Variants in SCOC observed in about 807,000 individuals in gnomAD.
The protein encoded by SCOC is short coiled-coil protein.
Under a neutral mutation model 9.9 loss-of-function variants are expected in SCOC, and 7 were observed. The ratio of observed to expected loss-of-function variants is 0.71; its 90% CI spans 0.40 to 1.33. The LOEUF (loss-of-function observed/expected upper bound fraction) is 1.33. SCOC is among the 40% of genes most tolerant of loss of function. SCOC has a pLI of 0.01. For synonymous variants in SCOC, 19 were observed against 28.2 expected (o/e 0.67, Z 1.03); for missense variants, 66 against 89.7 (o/e 0.74, Z 1.07).
chr4:140,283,279 A>T (rs1405151174), intron 1 of SCOC, among the ~76,000 whole-genome samples: 4 of 152,368 alleles, frequency 2.6e-5, no homozygotes, highest in Non-Finnish European at 5.9e-5. Flanking sequence ...TAAAGCAAGA[A>T]GAGACCAGCT....
intron 1 of SCOC, among the ~76,000 whole-genome samples, chr4:140,300,116 G>C (rs1211166046): frequency 6.6e-6 from 1 of 152,200 alleles, no homozygotes; most frequent in Non-Finnish European, 1.5e-5. Context: ...GGGTCCCGGA[G>C]ACAAAGGCCG....
At chr4:140,280,110 C>T (rs1731065600) in intron 1 of SCOC, among the ~76,000 whole-genome samples, 1 of 151,964 alleles carries the variant, frequency 6.6e-6, no homozygotes, top group Admixed American at 6.6e-5. Flanking sequence ...TCCATTGTGT[C>T]GTGATTTTTT....
chr4:140,330,098 G>GTA (rs1461152879), intron 1 of SCOC, among the ~76,000 whole-genome samples: 1 of 152,062 alleles, frequency 6.6e-6, no homozygotes. Flanking sequence ...TGTGGTATAT[G>GTA]TATATATATA....
chr4:140,380,970 G>A lies in SCOC; in HGVS notation c.115G>A (p.Ala39Thr). The change falls in exon 4 of 4, where the codon GCA becomes ACA. Residue 39 changes from alanine to threonine, a missense_variant. By Grantham distance (58) the Ala-to-Thr change is moderately conservative (BLOSUM62 0). Coordinates refer to ENST00000608372, the MANE Select transcript of SCOC (RefSeq NM_001153484.2). ...ELQHTLEDLSARVDAVKEENL... is the reference protein window; with the variant it reads ...ELQHTLEDLSTRVDAVKEENL... ...TTTTATTTTTTATATAGATCTCTCT[G>A]CAAGAGTAGATGCAGTTAAGGAAGA... 1 of 1,584,186 alleles carries A rather than the reference G, an allele frequency of 6.3e-7. No homozygotes were observed.
chr4:140,355,886 T>G (rs1727207955), intron 2 of SCOC, among the ~76,000 whole-genome samples: 1 of 152,234 alleles, frequency 6.6e-6, no homozygotes, highest in Non-Finnish European at 1.5e-5. Flanking sequence ...CATGTTATAT[T>G]TATGCAATTT....
At chr4:140,364,902 C>T (rs1727722477) in intron 2 of SCOC, among the ~76,000 whole-genome samples, 1 of 152,094 alleles carries the variant, frequency 6.6e-6, no homozygotes, top group African/African-American at 2.4e-5. Flanking sequence ...AGATCCTTGG[C>T]TCTTAAGAAC....
upstream of SCOC, among the ~76,000 whole-genome samples, chr4:140,341,853 C>T (rs539746813): frequency 9.9e-5 from 15 of 152,282 alleles, no homozygotes; most frequent in African/African-American, 2.6e-4. Flanking sequence ...AGACATGGGA[C>T]TCCTCTTATG....
chr4:140,348,484 T>C (rs1411256696), intron 2 of SCOC, among the ~76,000 whole-genome samples: 1 of 152,154 alleles, frequency 6.6e-6, no homozygotes, highest in Non-Finnish European at 1.5e-5. Context: ...TTCCTTCTTT[T>C]TTAAGGCTGA....
At chr4:140,335,535 G>A (rs574250222) in intron 1 of SCOC, among the ~76,000 whole-genome samples, 21 of 152,228 alleles carry the variant, frequency 1.4e-4, no homozygotes, top group Middle Eastern at 6.9e-3. Context: ...AAATAGTTTC[G>A]CATGAAATTA....
chr4:140,300,720 T>G (rs1372815099), intron 1 of SCOC, among the ~76,000 whole-genome samples: 1 of 152,256 alleles, frequency 6.6e-6, no homozygotes, highest in Admixed American at 6.5e-5. Flanking sequence ...GGAATCCTTC[T>G]GAGACAGAAA....
intron 1 of SCOC, chr4:140,283,863 C>T (rs577085760): frequency 2.6e-5 from 4 of 152,286 alleles, no homozygotes; most frequent in South Asian, 4.1e-4. Flanking sequence ...AAGGAGGTCA[C>T]TCTATTAGTG....
Position 140,355,226 on chromosome 4 carries a change from T to TGATATATATATATATATATATATG in SCOC, c.70+11518_70+11519insGATATATATATATATATATATATG, listed in dbSNP as rs9308116. Among the ~76,000 whole-genome samples the TGATATATATATATATATATATATG allele has an allele frequency of 1.2e-3, 141 of 122,106 alleles. 1 individual carries two copies. Among genetic ancestry groups the TGATATATATATATATATATATATG allele is most frequent in the African/African-American group, 4.6e-3 (132 of 28,898 alleles). 80.1% of individuals were successfully genotyped at this position (122,106 alleles called of 152,430 possible). ...CATTATATTTTTATATATATATATATATATATATATATATATATATATAAT... is the reference window on the plus strand; with the variant it reads ...CATTATATTTTTATATATATATATATGATATATATATATATATATATATGATATATATATATATATATATATAAT... On this transcript the variant is annotated intron_variant, in intron 2 of 4. Coordinates refer to the SCOC transcript ENST00000338517.
At chr4:140,319,237 A>T (rs1732425680) in intron 1 of SCOC, among the ~76,000 whole-genome samples, 1 of 152,084 alleles carries the variant, frequency 6.6e-6, no homozygotes, top group Non-Finnish European at 1.5e-5. Context: ...GATTACAGCC[A>T]TGCGCCACCA....
intron 1 of SCOC, among the ~76,000 whole-genome samples, chr4:140,300,551 A>C (rs1731784146): frequency 6.6e-6 from 1 of 152,220 alleles, no homozygotes; most frequent in South Asian, 2.1e-4. Flanking sequence ...ACTGGAGAGA[A>C]AGCTGGGTGT....
chr4:140,296,886 C>T (rs574493025), intron 1 of SCOC, among the ~76,000 whole-genome samples: 7 of 152,342 alleles, frequency 4.6e-5, no homozygotes, highest in African/African-American at 1.7e-4. Flanking sequence ...CCTCCTGTCA[C>T]TGCCCTTGCT....
intron 1 of SCOC, among the ~76,000 whole-genome samples, chr4:140,294,183 A>G (rs1280831373): frequency 5.3e-5 from 8 of 152,212 alleles, no homozygotes; most frequent in Non-Finnish European, 8.8e-5. Context: ...GTCAGCCCAC[A>G]TCACTCACTT....
intron 1 of SCOC, among the ~76,000 whole-genome samples, chr4:140,310,018 C>T (rs912028778): frequency 2.0e-5 from 3 of 152,188 alleles, no homozygotes; most frequent in Non-Finnish European, 4.4e-5. Flanking sequence ...TCTCCCCATA[C>T]TTTATCTTTT....
chr4:140,351,114 C>T lies in SCOC; in HGVS notation c.70+7406C>T, dbSNP rs187705247. On this transcript the variant is annotated intron_variant, in intron 2 of 4. Coordinates refer to the SCOC transcript ENST00000338517. ...CTGAGGCAGGGGAATCGCTTAAACC[C>T]GGGAGGTAGAGGTTGCAGTGAGCCG... 2.7e-3 allele frequency among the ~76,000 whole-genome samples: 412 copies of T among 151,766 alleles called. 1 individual carries two copies. Among genetic ancestry groups the T allele is most frequent in the African/African-American group, 9.7e-3 (400 of 41,386 alleles).
At chr4:140,374,413 G>T (rs1324575074) in intron 1 of SCOC, 3 of 311,820 alleles carry the variant, frequency 9.6e-6, no homozygotes, top group African/African-American at 6.8e-5. Flanking sequence ...CTATGCCCGA[G>T]GACCCAAAGC....
Sources: gnomAD v4.1 joint callset for allele counts (sites outside exome capture counted in the v4.1 genomes callset) on GRCh38, gnomAD v4.1.1 for gene constraint, MANE v1.5 for transcripts, NCBI Gene and HGNC (gene_info 2026-07-23, HGNC 2026-07-21) for gene names.